FSD1L: variants seen among roughly 807,000 people sequenced by gnomAD.
FSD1L encodes the protein fibronectin type III and SPRY domain containing 1 like.
Under a neutral mutation model 71.6 loss-of-function variants are expected in FSD1L, and 45 were observed. The ratio of observed to expected loss-of-function variants is 0.63; its 90% confidence interval spans 0.49 to 0.81. The LOEUF (loss-of-function observed/expected upper bound fraction) is 0.81. Among genes scored for constraint, FSD1L ranks in the 30% least tolerant of loss-of-function variants. FSD1L has a pLI of 0.00. For synonymous variants in FSD1L, 197 were observed against 207.2 expected, an observed-to-expected ratio of 0.95 and a Z score of 0.42; for missense variants, 561 against 618.1, an observed-to-expected ratio of 0.91 and a Z score of 0.98.
At chr9:105,444,958 T>A (rs1173311318), upstream of FSD1L, among the ~76,000 whole-genome samples, 4 of 152,210 alleles carry the variant, frequency 2.6e-5, no homozygotes, top group Non-Finnish European at 5.9e-5. Context: ...ATAGAAGTTA[T>A]GAGGTGATGT....
At chr9:105,541,845 T>G (rs1836638457) in intron 13 of FSD1L, among the ~76,000 whole-genome samples, 1 of 152,188 alleles carries the variant, frequency 6.6e-6, no homozygotes, top group Non-Finnish European at 1.5e-5. Flanking sequence ...GGCCCTATAG[T>G]TGTACCTTTT....
At chr9:105,510,155 T>C (rs1038406795) in intron 9 of FSD1L, among the ~76,000 whole-genome samples, 11 of 152,208 alleles carry the variant, frequency 7.2e-5, no homozygotes, top group Non-Finnish European at 1.5e-4. Flanking sequence ...GATTGGATGT[T>C]ACTGGTCAAA....
At chr9:105,459,684 TTA>T (rs1830568919) in intron 1 of FSD1L, among the ~76,000 whole-genome samples, 1 of 152,224 alleles carries the variant, frequency 6.6e-6, no homozygotes, top group Non-Finnish European at 1.5e-5. Context: ...GACTTTCTCT[TTA>T]TGATCTGAAT....
rs532379322 is a variant in FSD1L, at chr9:105,534,991, T to G, written c.1127-76T>G. ...GAATAAAAATTTTTGTGTCTTTTTT[T>G]GGGACGAGTGGTAGGTAAAACTGTG... On this transcript the variant is annotated intron_variant, in intron 11 of 13. Coordinates refer to ENST00000481272, the MANE Select transcript of FSD1L (RefSeq NM_001145313.3). 8.3e-6 allele frequency: 12 copies of G among 1,437,696 alleles called. No homozygotes were observed. In the African/African-American group the frequency reaches 1.4e-4, roughly 17 times the overall value. 89.1% of individuals were successfully genotyped at this position (1,437,696 alleles called of 1,614,324 possible).
intron 5 of FSD1L, among the ~76,000 whole-genome samples, chr9:105,476,172 G>A (rs944775505): frequency 6.6e-6 from 1 of 152,092 alleles, no homozygotes; most frequent in Non-Finnish European, 1.5e-5. Context: ...CTGGTTTAAC[G>A]TCTTTAAATT....
intron 7 of FSD1L, chr9:105,500,860 G>A (rs1253244704): frequency 2.6e-5 from 4 of 152,188 alleles, no homozygotes; most frequent in African/African-American, 4.8e-5. Flanking sequence ...ATTTCCAAAT[G>A]GAGTAGTTTT....
intron 3 of FSD1L, among the ~76,000 whole-genome samples, chr9:105,465,654 G>A (rs1408166568): frequency 6.6e-5 from 10 of 152,132 alleles, no homozygotes; most frequent in Admixed American, 6.5e-4. Context: ...ACAAAAAAAA[G>A]TGTATGGTTA....
chr9:105,466,338 C>T (rs1831066072), intron 3 of FSD1L, among the ~76,000 whole-genome samples: 1 of 152,138 alleles, frequency 6.6e-6, no homozygotes, highest in African/African-American at 2.4e-5. Context: ...ATTGTAATCT[C>T]TATCCAAATA....
At chr9:105,492,453 C>G (rs887398269) in intron 7 of FSD1L, among the ~76,000 whole-genome samples, 6 of 152,060 alleles carry the variant, frequency 3.9e-5, no homozygotes, top group Non-Finnish European at 5.9e-5. Flanking sequence ...AAACCAGGTC[C>G]TGGATTCATT....
In FSD1L at chr9:105,501,596, A is replaced by AT. The variant is rs5899666; in HGVS notation, c.587-4786dup. On this transcript the variant is annotated intron_variant, in intron 7 of 13. Transcript: ENST00000481272. Reference sequence around the variant, plus strand: ...TGCCACCACACCCAGCTAATTTTTAATTTTTTTTTTTTTTTTTGCAGAGAT... The same window carrying AT: ...TGCCACCACACCCAGCTAATTTTTAATTTTTTTTTTTTTTTTTTGCAGAGAT... Among the ~76,000 whole-genome samples the AT allele has an allele frequency of 5.8e-3, 777 of 133,384 alleles. 4 individuals carry two copies. Among genetic ancestry groups the AT allele is most frequent in the South Asian group, 0.046 (195 of 4,214 alleles). The allele number at this position is 133,384 out of a possible 152,430, so 87.5% of individuals were successfully genotyped here.
At chr9:105,477,731 A>G (rs777923572) in intron 5 of FSD1L, among the ~76,000 whole-genome samples, 1 of 152,178 alleles carries the variant, frequency 6.6e-6, no homozygotes, top group Non-Finnish European at 1.5e-5. Context: ...AATCAATTAA[A>G]TTAACTTTTT....
intron 13 of FSD1L, among the ~76,000 whole-genome samples, chr9:105,540,114 T>C (rs1201521675): frequency 1.3e-5 from 2 of 152,148 alleles, no homozygotes; most frequent in Non-Finnish European, 2.9e-5. Flanking sequence ...TATGTAAGAA[T>C]TTGAGTTCCT....
At chr9:105,461,783 G>A (rs921974587) in intron 2 of FSD1L, among the ~76,000 whole-genome samples, 168 bp downstream of exon 2, 1 of 152,162 alleles carries the variant, frequency 6.6e-6, no homozygotes, top group Non-Finnish European at 1.5e-5. Context: ...GGAAGCTGAG[G>A]TGGGAGGATT....
intron 9 of FSD1L, among the ~76,000 whole-genome samples, chr9:105,511,913 G>C (rs1363794022): frequency 6.6e-6 from 1 of 152,054 alleles, no homozygotes; most frequent in African/African-American, 2.4e-5. Context: ...ATATATACTA[G>C]AAGTTTGAAC....
chr9:105,447,924 G>A (rs951682899), upstream of FSD1L: 21 of 514,906 alleles, frequency 4.1e-5, no homozygotes, highest in Non-Finnish European at 5.8e-5. Flanking sequence ...AGGCACTAGC[G>A]GTAGACAGAC....
intron 10 of FSD1L, chr9:105,523,628 A>T (rs1314230782): frequency 6.2e-7 from 1 of 1,609,958 alleles, no homozygotes; most frequent in African/African-American, 1.3e-5. Flanking sequence ...CTCCACTGAG[A>T]ATTCTTACAC....
intron 1 of FSD1L, 39 bp downstream of exon 1, chr9:105,448,274 C>G: frequency 6.6e-7 from 1 of 1,517,288 alleles, no homozygotes; most frequent in Non-Finnish European, 8.8e-7. Flanking sequence ...CCGAGACAAG[C>G]CGGGCCGGCA....
intron 13 of FSD1L, among the ~76,000 whole-genome samples, chr9:105,544,684 A>G (rs1836859888): frequency 6.6e-6 from 1 of 152,144 alleles, no homozygotes; most frequent in African/African-American, 2.4e-5. Flanking sequence ...TAAATAGGGA[A>G]TCCTTTCCCC....
rs528147324 is a variant in FSD1L, at chr9:105,486,873, G to A, written c.586+2371G>A. On this transcript the variant is annotated intron_variant, in intron 7 of 13. Coordinates refer to ENST00000481272, the MANE Select transcript of FSD1L (RefSeq NM_001145313.3). Reference sequence around the variant, plus strand: ...CTCAGACTTCCAATTTTCTTCCCTAGGAGCTACCAACATTAACTAGCATGT... The same window carrying A: ...CTCAGACTTCCAATTTTCTTCCCTAAGAGCTACCAACATTAACTAGCATGT... Among the ~76,000 whole-genome samples, 332 of 152,192 alleles carry A rather than the reference G, an allele frequency of 2.2e-3. 1 individual carries two copies. Among genetic ancestry groups the A allele is most frequent in the African/African-American group, 7.7e-3 (320 of 41,546 alleles).
Sources: allele counts gnomAD v4.1 joint callset (sites outside exome capture counted in the v4.1 genomes callset), GRCh38; gene constraint gnomAD v4.1.1; transcripts MANE v1.5; gene names NCBI Gene and HGNC (gene_info 2026-07-23, HGNC 2026-07-21).